SMARCA2: variants seen among roughly 807,000 people sequenced by gnomAD.
SMARCA2 encodes SWI/SNF-related matrix-associated actin-dependent regulator of chromatin subfamily A member 2.
In SMARCA2, 61 loss-of-function variants were observed where a neutral mutation model predicts 199.8. The observed-to-expected ratio is 0.31, with a 90% confidence interval of 0.25 to 0.38. The LOEUF is 0.38. Among genes scored for constraint, SMARCA2 ranks in the 10% least tolerant of loss-of-function variants. SMARCA2 has a pLI of 1.00. For missense variants in SMARCA2, 1,344 were observed against 2,012.2 expected, an observed-to-expected ratio of 0.67 and a Z score of 6.35; for synonymous variants, 935 against 732.0, an observed-to-expected ratio of 1.28 and a Z score of -4.48.
chr9:2,023,822 C>G (rs1252095837), intron 1 of SMARCA2, among the ~76,000 whole-genome samples: 1 of 152,154 alleles, frequency 6.6e-6, no homozygotes, highest in Non-Finnish European at 1.5e-5. Context: ...ACAGAGAAAG[C>G]CACATACAAA....
rs933549313 is a variant in SMARCA2, at chr9:2,119,215, C to T, written c.3685-243C>T. 8.5e-5 allele frequency among the ~76,000 whole-genome samples: 13 copies of T among 152,214 alleles called. No individual in the cohort carries two copies. Among genetic ancestry groups the T allele is most frequent in the African/African-American group, 3.1e-4 (13 of 41,460 alleles). ...GTAAAAGTAACAGAATCAAGATACA[C>T]ATCCAGGAGAACTCATATTTCTTAT... On this transcript the variant is annotated intron_variant, in intron 25 of 33. Coordinates refer to ENST00000349721, the MANE Select transcript of SMARCA2 (RefSeq NM_003070.5). This position sits in a 1 kb window ranked among gnomAD's most constrained non-coding sequence, Gnocchi z 4.6.
At position 2,133,942 on chromosome 9, in the gene SMARCA2, TG is replaced by T. The variant is rs567248614; in HGVS notation, c.3981+10009del. On this transcript the variant is annotated intron_variant, in intron 27 of 33. Coordinates refer to ENST00000349721, the MANE Select transcript of SMARCA2 (RefSeq NM_003070.5). ...TTCCATCTAATTAGCTGTGTGACCTTGGGGACCTTGTGTCACCTCTCATAGC... is the reference window on the plus strand; with the variant it reads ...TTCCATCTAATTAGCTGTGTGACCTTGGGACCTTGTGTCACCTCTCATAGC... Among the ~76,000 whole-genome samples, 36 of 152,302 alleles carry T rather than the reference TG, an allele frequency of 2.4e-4. 1 individual carries two copies. The South Asian group carries it at 7.2e-3, about 31-fold the overall frequency.
intron 27 of SMARCA2, among the ~76,000 whole-genome samples, chr9:2,133,286 G>C (rs991230175): frequency 6.6e-6 from 1 of 152,072 alleles, no homozygotes; most frequent in Non-Finnish European, 1.5e-5. Flanking sequence ...TCAAGATTTG[G>C]TTTTTGACGT....
At chr9:2,048,823 G>C (rs1004067603) in intron 5 of SMARCA2, among the ~76,000 whole-genome samples, 2 of 152,144 alleles carry the variant, frequency 1.3e-5, no homozygotes, top group Non-Finnish European at 2.9e-5. Context: ...GATTCTGCTG[G>C]GTGAATAATT....
intron 28 of SMARCA2, among the ~76,000 whole-genome samples, chr9:2,164,850 C>T (rs958727832): frequency 1.2e-4 from 19 of 152,208 alleles, no homozygotes; most frequent in African/African-American, 4.6e-4. Context: ...TTAGCTCCCA[C>T]ATTTAGATGC....
At chr9:2,174,321 A>G (rs553024110) in intron 29 of SMARCA2, among the ~76,000 whole-genome samples, 1 of 152,354 alleles carries the variant, frequency 6.6e-6, no homozygotes, top group East Asian at 1.9e-4. Context: ...TTGATTAAAA[A>G]GGGATTGCTC....
intron 27 of SMARCA2, among the ~76,000 whole-genome samples, chr9:2,127,131 T>C (rs1823731071): frequency 6.6e-6 from 1 of 152,176 alleles, no homozygotes; most frequent in Non-Finnish European, 1.5e-5. Context: ...CACAGATAAA[T>C]ATTAATTGCA....
At chr9:2,051,595 T>C (rs1033229067) in intron 5 of SMARCA2, among the ~76,000 whole-genome samples, 1 of 152,234 alleles carries the variant, frequency 6.6e-6, no homozygotes, top group Non-Finnish European at 1.5e-5. Context: ...GAAGATTAAG[T>C]AGGAATTCCT....
At chr9:2,113,106 A>C (rs1823074541) in intron 24 of SMARCA2, among the ~76,000 whole-genome samples, 1 of 152,242 alleles carries the variant, frequency 6.6e-6, no homozygotes, top group South Asian at 2.1e-4. Flanking sequence ...CATTGAAGAA[A>C]AATTTCTATA....
intron 27 of SMARCA2, among the ~76,000 whole-genome samples, chr9:2,155,386 G>A (rs528134890): frequency 2.6e-5 from 4 of 152,102 alleles, no homozygotes; most frequent in South Asian, 2.1e-4. Context: ...GGGTTCAAGC[G>A]ATTCTCCTGC....
intron 27 of SMARCA2, among the ~76,000 whole-genome samples, chr9:2,129,387 C>T (rs1419585417): frequency 3.9e-5 from 6 of 152,164 alleles, no homozygotes; most frequent in Non-Finnish European, 5.9e-5. Context: ...CATTGCACTC[C>T]TGCCTGGGCG....
At chr9:2,045,274 A>G (rs544500976) in intron 4 of SMARCA2, 1 of 152,294 alleles carries the variant, frequency 6.6e-6, no homozygotes, top group Non-Finnish European at 1.5e-5. Context: ...TAGCATGCTT[A>G]TAGCAAGGCT....
chr9:2,070,606 A>G (rs1586671955), intron 10 of SMARCA2, 135 bp downstream of exon 10: 4 of 635,184 alleles, frequency 6.3e-6, no homozygotes, highest in Non-Finnish European at 1.1e-5. Context: ...ATACATTAGC[A>G]TAGTAGAAAA....
chr9:2,035,313 G>C (rs1279108381), intron 3 of SMARCA2, among the ~76,000 whole-genome samples: 2 of 152,142 alleles, frequency 1.3e-5, no homozygotes, highest in Non-Finnish European at 2.9e-5. Context: ...ACAGTGCTGG[G>C]ATTACAGGCA....
At chr9:2,074,452 T>C (rs1006836501) in intron 12 of SMARCA2, among the ~76,000 whole-genome samples, 1 of 152,214 alleles carries the variant, frequency 6.6e-6, no homozygotes, top group African/African-American at 2.4e-5. Context: ...GTCTCAAGAC[T>C]ATGGCTGTTT....
At chr9:2,028,360 T>C (rs990373332) in intron 1 of SMARCA2, among the ~76,000 whole-genome samples, 4 of 152,240 alleles carry the variant, frequency 2.6e-5, no homozygotes, top group East Asian at 1.9e-4. Flanking sequence ...TGTCATTGCA[T>C]TGAAATCTCA....
Position 2,034,583 on chromosome 9 carries a change from G to A in SMARCA2, c.355+1502G>A, listed in dbSNP as rs532962586. On this transcript the variant is annotated intron_variant, in intron 3 of 33. Transcript: ENST00000349721. ...CCAATTCAAGGTTTATGGTTTATGC[G>A]TTGCTATATATAATCCTGTGTAATT... is the stretch of plus-strand genomic sequence containing the variant. Among the ~76,000 whole-genome samples, 44 of 152,280 alleles carry A rather than the reference G, an allele frequency of 2.9e-4. No individual in the cohort carries two copies. In the South Asian group the frequency reaches 7.1e-3, roughly 24 times the overall value.
At chr9:2,055,074 GATTGGAGCTTCTTTGT>G (rs1820293486) in intron 6 of SMARCA2, among the ~76,000 whole-genome samples, 1 of 152,228 alleles carries the variant, frequency 6.6e-6, no homozygotes, top group African/African-American at 2.4e-5. Context: ...GAAGGTAGTG[GATTGGAGCTTCTTTGT>G]AAGCACAGAT....
intron 27 of SMARCA2, chr9:2,160,543 TA>T: frequency 1.4e-6 from 1 of 689,732 alleles, no homozygotes; most frequent in Non-Finnish European, 2.6e-6. Context: ...GTCTGAGCTG[TA>T]ATCACTCTTT....
Sources: allele counts gnomAD v4.1 joint callset (sites outside exome capture counted in the v4.1 genomes callset), GRCh38; gene constraint gnomAD v4.1.1; non-coding constraint Gnocchi (gnomAD v3.1); transcripts MANE v1.5; gene names NCBI Gene and HGNC (gene_info 2026-07-23, HGNC 2026-07-21).